The following USP31 variants were observed in gnomAD, a reference collection of about 807,000 sequenced individuals.
The protein encoded by USP31 is ubiquitin specific peptidase 31, also known as ubiquitin carboxyl-terminal hydrolase 31.
USP31 carries 44 observed loss-of-function variants against 119.4 expected under a neutral mutation model. The observed-to-expected ratio is 0.37, with a 90% confidence interval of 0.29 to 0.47. USP31 has a LOEUF of 0.47. USP31 is among the 20% of genes least tolerant of loss of function. The pLI is 0.99. For missense variants in USP31, 1,643 were observed against 1,730.2 expected (o/e 0.95, Z 0.89); for synonymous variants, 749 against 705.6 (o/e 1.06, Z -0.97).
Position 23,062,884 on chromosome 16 carries a change from G to C in USP31, c.*5162C>G, listed in dbSNP as rs77318048. 4.3e-3 allele frequency: 651 copies of C among 152,592 alleles called. 5 individuals are homozygous for C. Among genetic ancestry groups the C allele is most frequent in the Non-Finnish European group, 6.1e-3 (415 of 68,026 alleles). The allele number at this position is 152,592 out of a possible 1,614,324, so 9.5% of individuals were successfully genotyped here. On this transcript the variant is annotated 3_prime_UTR_variant, in exon 16 of 16. Transcript: ENST00000219689. ...TTTCTGCTTCTCCTACACAACTGAG[G>C]AATCAGTCACTCCTGAGTAATTCAA...
chr16:23,102,252 C>CT, intron 6 of USP31, 67 bp downstream of exon 6: 1 of 1,520,804 alleles, frequency 6.6e-7, no homozygotes, highest in East Asian at 2.3e-5. Context: ...TAATAGACAA[C>CT]TAAAAAGGTA....
chr16:23,102,904 A>C (rs1422299179), intron 5 of USP31, among the ~76,000 whole-genome samples: 1 of 152,366 alleles, frequency 6.6e-6, no homozygotes, highest in African/African-American at 2.4e-5. Context: ...TCCATAAAAT[A>C]AAAAGTAAAA....
At chr16:23,129,613 C>T in intron 1 of USP31, among the ~76,000 whole-genome samples, 1 of 152,194 alleles carries the variant, frequency 6.6e-6, no homozygotes, top group Non-Finnish European at 1.5e-5. Flanking sequence ...CAGGGAAATG[C>T]AGGTTCATCG....
chr16:23,098,504 G>A (rs775790997), intron 6 of USP31, among the ~76,000 whole-genome samples: 2 of 151,736 alleles, frequency 1.3e-5, no homozygotes, highest in African/African-American at 2.4e-5. Flanking sequence ...AAAAAAGCCC[G>A]CATCACCAAG....
At chr16:23,135,426 C>T (rs1236694483) in intron 1 of USP31, among the ~76,000 whole-genome samples, 1 of 152,090 alleles carries the variant, frequency 6.6e-6, no homozygotes, top group Non-Finnish European at 1.5e-5. Flanking sequence ...ATGACATGAT[C>T]TTGTATGTAG....
intron 7 of USP31, 72 bp from the exon 8 acceptor site, chr16:23,087,907 G>A (rs1030840623): frequency 4.6e-6 from 6 of 1,313,306 alleles, no homozygotes; most frequent in African/African-American, 1.5e-5. Flanking sequence ...TTTTTTTCTC[G>A]ATCTCTTAAA....
chr16:23,101,395 G>T (rs1457485540), intron 6 of USP31, among the ~76,000 whole-genome samples: 2 of 152,104 alleles, frequency 1.3e-5, no homozygotes, highest in Non-Finnish European at 2.9e-5. Flanking sequence ...GATGCCTGTA[G>T]GATTTCTAAG....
chr16:23,126,626 C>CAAAAAAAAAAA (rs78273190), intron 1 of USP31, among the ~76,000 whole-genome samples: 1 of 107,176 alleles, frequency 9.3e-6, no homozygotes. Context: ...GACTCTGTCT[C>CAAAAAAAAAAA]AAAAAAAAAA....
intron 7 of USP31, among the ~76,000 whole-genome samples, chr16:23,090,345 A>C (rs71378496): frequency 0.16 from 24,628 of 152,008 alleles, 2,510 homozygotes; most frequent in Admixed American, 0.26. Context: ...GAGATCGCGC[A>C]ACTACACTCC....
chr16:23,148,662 G>T lies in USP31; in HGVS notation c.609C>A (p.Thr203=). 1 of 1,498,172 alleles carries T rather than the reference G, an allele frequency of 6.7e-7. No homozygotes were observed. Among genetic ancestry groups the T allele is most frequent in the Non-Finnish European group, 8.9e-7 (1 of 1,127,370 alleles). 92.8% of individuals were successfully genotyped at this position (1,498,172 alleles called of 1,614,324 possible). A position where few individuals can be genotyped will look rare whatever the true frequency, so the allele number is the denominator to read the frequency against. The change falls in exon 1 of 16, where the codon ACC becomes ACA. Residue 203 remains threonine, a synonymous_variant. Coordinates refer to ENST00000219689, the MANE Select transcript of USP31 (RefSeq NM_020718.4). Reference sequence around the variant, plus strand: ...CCTTGAAGTCGCGGCTGTGCTGCGGGGTGTACTCCAGGGTCCAGAGGGCCC... The same window carrying T: ...CCTTGAAGTCGCGGCTGTGCTGCGGTGTGTACTCCAGGGTCCAGAGGGCCC... ...LVRALWTLEY[T]PQHSRDFKTI...
chr16:23,068,753 C>A lies in USP31; in HGVS notation c.3352G>T (p.Ala1118Ser). 1.9e-6 allele frequency: 3 copies of A among 1,588,104 alleles called. No individual in the cohort carries two copies. The South Asian group carries it at 3.5e-5, about 18-fold the overall frequency. Residue 1118 changes from alanine (A) to serine (S), a missense_variant, in exon 16 of 16, where the codon GCC becomes TCC. Ala to Ser is a moderately conservative substitution (Grantham distance 99, BLOSUM62 1). Transcript: ENST00000219689. ...SSPSPQKQKSASALTYTASST... is the reference protein window; with the variant it reads ...SSPSPQKQKSSSALTYTASST... Reference sequence around the variant, plus strand: ...GAAGCAGTGTAGGTGAGGGCCGAGGCTGACTTCTGCTTCTGTGGCGAAGGA... The same window carrying A: ...GAAGCAGTGTAGGTGAGGGCCGAGGATGACTTCTGCTTCTGTGGCGAAGGA...
chr16:23,132,512 T>G (rs1903060763), intron 1 of USP31, among the ~76,000 whole-genome samples: 1 of 152,050 alleles, frequency 6.6e-6, no homozygotes. Flanking sequence ...AGAACAAAAG[T>G]AGCAGAGTCA....
Position 23,106,456 on chromosome 16 carries a change from C to T in USP31, c.803G>A (p.Gly268Glu), listed in dbSNP as rs375092414. 2.0e-5 allele frequency: 32 copies of T among 1,613,278 alleles called. No individual in the cohort carries two copies. Among genetic ancestry groups the T allele is most frequent in the Middle Eastern group, 3.3e-4 (2 of 6,084 alleles). Residue 268 changes from glycine to glutamate, a missense_variant, in exon 3 of 16, where the codon GGA becomes GAA. By Grantham distance (98) the Gly-to-Glu change is moderately conservative. Coordinates refer to ENST00000219689, the MANE Select transcript of USP31 (RefSeq NM_020718.4). ...PPSETDMMPE[G>E]PSFPVCSTFV... The stretch of plus-strand genomic sequence containing the variant: ...AGTGCTACAGACAGGGAAAGATGGT[C>T]CCTCAGGCATCATATCAGTCTCTGA...
chr16:23,069,512 G>A lies in USP31; in HGVS notation c.2593C>T (p.Pro865Ser). The part of the protein sequence containing the change: ...PLAVNENCMR[P>S]SWSLSAKLQM... ...AGCTTAGCAGACAGGGACCATGAAG[G>A]TCTCATGCAATTTTCATTGACGGCC... is the stretch of plus-strand genomic sequence containing the variant. Residue 865 changes from proline to serine, a missense_variant, in exon 16 of 16, where the codon CCT (proline) becomes TCT (serine). Physicochemically the swap from Pro to Ser is moderately conservative, Grantham distance 74. Coordinates refer to ENST00000219689, the MANE Select transcript of USP31 (RefSeq NM_020718.4). 1 of 1,614,174 alleles carries A rather than the reference G, an allele frequency of 6.2e-7. No individual in the cohort carries two copies. The highest frequency in any genetic ancestry group is 8.5e-7 in the Non-Finnish European group (1 of 1,180,024).
intron 2 of USP31, 110 bp downstream of exon 2, chr16:23,107,936 C>T (rs1902174051): frequency 3.0e-6 from 4 of 1,347,554 alleles, no homozygotes; most frequent in Non-Finnish European, 4.0e-6. Context: ...TTATACTCAC[C>T]CAGAGCTTAG....
chr16:23,131,812 A>C (rs776632336), intron 1 of USP31, among the ~76,000 whole-genome samples: 18 of 152,176 alleles, frequency 1.2e-4, no homozygotes, highest in Non-Finnish European at 8.8e-5. Flanking sequence ...ATCTCCTGAC[A>C]ATCAGATGGC....
Position 23,131,147 on chromosome 16 carries a change from T to C in USP31, c.633+17491A>G, listed in dbSNP as rs1020885054. On this transcript the variant is annotated intron_variant, in intron 1 of 15. Transcript: ENST00000219689. ...CAACATACCCCATCTCACAAAAAAA[T>C]ACAAAAATTATCCAGGCATGGTAGT... Among the ~76,000 whole-genome samples, 15 of 152,102 alleles carry C rather than the reference T, an allele frequency of 9.9e-5. No individual in the cohort carries two copies. The South Asian group carries it at 1.7e-3, about 17-fold the overall frequency.
intron 1 of USP31, among the ~76,000 whole-genome samples, chr16:23,118,746 T>A (rs1484537857): frequency 6.6e-6 from 1 of 152,210 alleles, no homozygotes; most frequent in East Asian, 1.9e-4. Context: ...TAACAGTTAA[T>A]ACTTATTGAG....
At chr16:23,128,095 C>T (rs1225611506) in intron 1 of USP31, among the ~76,000 whole-genome samples, 2 of 152,122 alleles carry the variant, frequency 1.3e-5, no homozygotes, top group Non-Finnish European at 2.9e-5. Flanking sequence ...AATAAAACCC[C>T]GAAGCCCTGT....
Sources: allele counts gnomAD v4.1 joint callset (sites outside exome capture counted in the v4.1 genomes callset), GRCh38; gene constraint gnomAD v4.1.1; transcripts MANE v1.5; gene names NCBI Gene and HGNC (gene_info 2026-07-23, HGNC 2026-07-21).